The following AKT3 variants were observed in gnomAD, a reference collection of about 807,000 sequenced individuals.
AKT3 encodes the protein RAC-gamma serine/threonine-protein kinase.
AKT3 carries 15 observed loss-of-function variants against 65.3 expected under a neutral mutation model. The observed-to-expected ratio is 0.23, with a 90% CI of 0.15 to 0.35. AKT3 has a LOEUF of 0.35. Among genes scored for constraint, AKT3 ranks in the 10% least tolerant of loss-of-function variants. The pLI is 1.00. For synonymous variants in AKT3, 206 were observed against 183.8 expected (o/e 1.12, Z -0.98); for missense variants, 243 against 576.5 (o/e 0.42, Z 5.92).
chr1:243,807,342 G>A (rs529335185), intron 2 of AKT3, among the ~76,000 whole-genome samples: 2 of 152,298 alleles, frequency 1.3e-5, no homozygotes, highest in East Asian at 3.9e-4. Context: ...CCCTAATACT[G>A]CGCTTTTCCA....
chr1:243,683,109 C>T (rs573790511), intron 3 of AKT3, among the ~76,000 whole-genome samples: 2 of 152,262 alleles, frequency 1.3e-5, no homozygotes, highest in South Asian at 4.1e-4. Flanking sequence ...TGGGTTCATG[C>T]TGTGGGCTCT....
At chr1:243,718,050 A>G (rs529412072) in intron 2 of AKT3, among the ~76,000 whole-genome samples, 5 of 152,348 alleles carry the variant, frequency 3.3e-5, no homozygotes, top group African/African-American at 1.2e-4. Flanking sequence ...AGAGAGCTAC[A>G]TTCATTTTAC....
At chr1:243,836,802 T>A (rs1694921923) in intron 2 of AKT3, among the ~76,000 whole-genome samples, 2 of 151,316 alleles carry the variant, frequency 1.3e-5, no homozygotes, top group Admixed American at 1.3e-4. Flanking sequence ...TCCCAGCTAC[T>A]CAGGAGGCTG....
intron 11 of AKT3, among the ~76,000 whole-genome samples, chr1:243,550,831 C>T (rs1365137494): frequency 2.9e-5 from 4 of 139,470 alleles, no homozygotes; most frequent in East Asian, 2.1e-4. Flanking sequence ...TGGTGGCAGG[C>T]GCCTGTAGTC....
intron 2 of AKT3, among the ~76,000 whole-genome samples, chr1:243,816,265 A>C (rs551027266): frequency 6.6e-6 from 1 of 152,212 alleles, no homozygotes; most frequent in Non-Finnish European, 1.5e-5. Flanking sequence ...TTGAACTAGC[A>C]TATCAACAGC....
intron 4 of AKT3, among the ~76,000 whole-genome samples, chr1:243,654,103 C>A (rs565006946): frequency 6.6e-6 from 1 of 152,132 alleles, no homozygotes; most frequent in African/African-American, 2.4e-5. Context: ...TTCCATTTCT[C>A]CTCCAATTAG....
At chr1:243,746,872 C>G (rs1258760883) in intron 2 of AKT3, among the ~76,000 whole-genome samples, 1 of 151,198 alleles carries the variant, frequency 6.6e-6, no homozygotes, top group Non-Finnish European at 1.5e-5. Flanking sequence ...CTGGAGAATT[C>G]TTATTGTCAT....
intron 10 of AKT3, among the ~76,000 whole-genome samples, chr1:243,554,204 T>C (rs1461152881): frequency 1.3e-5 from 2 of 152,168 alleles, no homozygotes; most frequent in African/African-American, 4.8e-5. Flanking sequence ...AGACAAAGGA[T>C]ATAATTTATA....
At chr1:243,653,817 T>C (rs188825513) in intron 4 of AKT3, among the ~76,000 whole-genome samples, 6 of 152,344 alleles carry the variant, frequency 3.9e-5, no homozygotes, top group South Asian at 4.1e-4. Flanking sequence ...TAGTAATCTA[T>C]GGTAATACAT....
At chr1:243,757,722 T>C (rs1689226533) in intron 2 of AKT3, among the ~76,000 whole-genome samples, 1 of 152,154 alleles carries the variant, frequency 6.6e-6, no homozygotes, top group African/African-American at 2.4e-5. Flanking sequence ...TTCTTACACT[T>C]GCAGTCTCTA....
intron 6 of AKT3, among the ~76,000 whole-genome samples, chr1:243,621,878 C>G (rs1315849087): frequency 6.6e-6 from 1 of 152,142 alleles, no homozygotes; most frequent in Non-Finnish European, 1.5e-5. Flanking sequence ...TCAAAATACA[C>G]CCAAGGTCTC....
rs202224624 is a variant in AKT3 at position 243,646,076 on chromosome 1, G to A, written c.285-39C>T. On this transcript the variant is annotated intron_variant, in intron 4 of 13. Transcript: ENST00000673466. ...TAAAATTTCCCATTAATAGAAGATG[G>A]TAAATGATTTAAATATTTTCCTTTT... is the stretch of plus-strand genomic sequence containing the variant. 2.5e-3 allele frequency: 3,780 copies of A among 1,514,712 alleles called. 9 individuals are homozygous for A. Among genetic ancestry groups the A allele is most frequent in the Non-Finnish European group, 2.8e-3 (3,193 of 1,121,308 alleles). 93.8% of individuals were successfully genotyped at this position (1,514,712 alleles called of 1,614,324 possible). A position where few individuals can be genotyped will look rare whatever the true frequency, so the allele number is the denominator to read the frequency against.
intron 2 of AKT3, among the ~76,000 whole-genome samples, chr1:243,777,010 G>C (rs1223191652): frequency 1.3e-5 from 2 of 152,144 alleles, no homozygotes; most frequent in Non-Finnish European, 2.9e-5. Flanking sequence ...TTACCCGAGT[G>C]GGTTAAATAA....
intron 8 of AKT3, among the ~76,000 whole-genome samples, chr1:243,605,328 A>G (rs1677319912): frequency 6.6e-6 from 1 of 152,124 alleles, no homozygotes; most frequent in African/African-American, 2.4e-5. Context: ...AGGCCTGGCC[A>G]GAAAATAGTT....
At chr1:243,717,097 G>C (rs934359223) in intron 2 of AKT3, among the ~76,000 whole-genome samples, 18 of 152,142 alleles carry the variant, frequency 1.2e-4, no homozygotes, top group Non-Finnish European at 2.4e-4. Context: ...CTACCCACCA[G>C]CTCCTTAGCT....
At chr1:243,617,897 G>C (rs1678450459) in intron 6 of AKT3, among the ~76,000 whole-genome samples, 1 of 152,078 alleles carries the variant, frequency 6.6e-6, no homozygotes, top group African/African-American at 2.4e-5. Context: ...CAACATGAGA[G>C]TGAATCACAG....
intron 4 of AKT3, among the ~76,000 whole-genome samples, chr1:243,658,340 G>A (rs1485059454): frequency 2.0e-5 from 3 of 152,038 alleles, no homozygotes; most frequent in Admixed American, 6.6e-5. Flanking sequence ...ATGATACACA[G>A]GTATTTGAAA....
chr1:243,543,860 C>T (rs1248703445), intron 12 of AKT3, among the ~76,000 whole-genome samples: 1 of 152,224 alleles, frequency 6.6e-6, no homozygotes, highest in East Asian at 1.9e-4. Context: ...ATATGATGCA[C>T]CTATTTTAAA....
At chr1:243,573,866 C>T (rs1364651539) in intron 8 of AKT3, among the ~76,000 whole-genome samples, 2 of 152,160 alleles carry the variant, frequency 1.3e-5, no homozygotes, top group Non-Finnish European at 2.9e-5. Context: ...TAGGCCACTT[C>T]TTCATTAAAG....
Sources: gnomAD v4.1 joint callset for allele counts (sites outside exome capture counted in the v4.1 genomes callset) on GRCh38, gnomAD v4.1.1 for gene constraint, MANE v1.5 for transcripts, NCBI Gene and HGNC (gene_info 2026-07-23, HGNC 2026-07-21) for gene names.